Variants in WDPCP observed in about 807,000 individuals in gnomAD.
The protein encoded by WDPCP is WD repeat-containing and planar cell polarity effector protein fritz homolog.
In WDPCP, 71 loss-of-function variants were observed where a neutral mutation model predicts 93.1. The observed-to-expected ratio is 0.76, with a 90% confidence interval of 0.63 to 0.93. WDPCP has a LOEUF of 0.93. WDPCP is among the 40% of genes least tolerant of loss of function. The pLI, the probability that WDPCP is intolerant of heterozygous loss-of-function variation, is 0.00. For synonymous variants in WDPCP, 315 were observed against 315.0 expected (o/e 1.00, Z 0.00); for missense variants, 844 against 887.4 (o/e 0.95, Z 0.62).
At chr2:63,646,451 T>C (rs149156933) in intron 3 of WDPCP, among the ~76,000 whole-genome samples, 15 of 152,278 alleles carry the variant, frequency 9.9e-5, no homozygotes, top group Admixed American at 2.6e-4. Flanking sequence ...AGTTACATTA[T>C]TATAATATTC....
chr2:63,826,968 T>C (rs1472107811), intron 1 of WDPCP, among the ~76,000 whole-genome samples: 4 of 152,178 alleles, frequency 2.6e-5, no homozygotes, highest in Non-Finnish European at 5.9e-5. Flanking sequence ...ATTTGACTTT[T>C]AGGTCTCCCA....
intron 2 of WDPCP, among the ~76,000 whole-genome samples, chr2:63,747,684 T>C (rs1669819409): frequency 6.6e-6 from 1 of 152,076 alleles, no homozygotes; most frequent in Non-Finnish European, 1.5e-5. Flanking sequence ...AACCACAGCT[T>C]TATTAGTGTC....
chr2:63,137,266 C>G (rs891782625), intron 17 of WDPCP, among the ~76,000 whole-genome samples: 1 of 152,084 alleles, frequency 6.6e-6, no homozygotes, highest in Non-Finnish European at 1.5e-5. Context: ...GTCACTCTGA[C>G]TAGTGTGAGG....
At chr2:63,487,062 A>T (rs904252341) in intron 3 of WDPCP, among the ~76,000 whole-genome samples, 8 of 152,048 alleles carry the variant, frequency 5.3e-5, no homozygotes, top group African/African-American at 1.9e-4. Flanking sequence ...TTAATCAGAT[A>T]AAGAAAATTG....
chr2:63,391,255 G>A (rs891546323), intron 10 of WDPCP, among the ~76,000 whole-genome samples: 2 of 152,066 alleles, frequency 1.3e-5, no homozygotes, highest in East Asian at 1.9e-4. Flanking sequence ...ATCAATAAAC[G>A]TAATCCATCA....
In WDPCP at chr2:63,122,031, T is replaced by C. The variant is rs374727283; in HGVS notation, c.2216A>G (p.Lys739Arg). 2.5e-6 allele frequency: 4 copies of C among 1,613,392 alleles called. No individual in the cohort carries two copies. The highest frequency in any genetic ancestry group is 1.3e-5 in the African/African-American group (1 of 75,040). The change falls in exon 18 of 18, where the codon AAA (lysine) becomes AGA (arginine). Residue 739 changes from lysine (K) to arginine (R), a missense_variant. Transcript: ENST00000272321. ...EQEIRDGGSL[K>R]MIHFGLV ...TTACACCAGACCAAAGTGAATCATT[T>C]TGAGAGAACCACCATCTCTGATTTC...
chr2:63,409,276 T>A (rs1467622165), intron 9 of WDPCP, among the ~76,000 whole-genome samples: 1 of 152,128 alleles, frequency 6.6e-6, no homozygotes, highest in African/African-American at 2.4e-5. Context: ...ACTTCCTGGG[T>A]GGCTAGACCC....
At chr2:63,284,440 T>A (rs1042892046) in intron 13 of WDPCP, among the ~76,000 whole-genome samples, 4 of 152,244 alleles carry the variant, frequency 2.6e-5, no homozygotes, top group Admixed American at 6.5e-5. Context: ...TATGATTTTT[T>A]AATCTTTCCT....
At chr2:63,683,493 C>T (rs980497981) in intron 2 of WDPCP, among the ~76,000 whole-genome samples, 4 of 151,830 alleles carry the variant, frequency 2.6e-5, no homozygotes, top group Non-Finnish European at 4.4e-5. Context: ...TGATATTTAT[C>T]ACATTATATT....
chr2:63,585,642 T>A (rs1009044423), intron 1 of WDPCP, among the ~76,000 whole-genome samples: 13 of 152,070 alleles, frequency 8.5e-5, no homozygotes, highest in African/African-American at 2.7e-4. Context: ...CATCTTTACA[T>A]TATAGTACTC....
intron 3 of WDPCP, among the ~76,000 whole-genome samples, chr2:63,648,781 A>G (rs1458961010): frequency 6.6e-6 from 1 of 152,176 alleles, no homozygotes; most frequent in Non-Finnish European, 1.5e-5. Flanking sequence ...GAAATGGTCC[A>G]CTCTGGTGAA....
intron 12 of WDPCP, among the ~76,000 whole-genome samples, chr2:63,338,588 A>C (rs1688621174): frequency 1.7e-5 from 1 of 59,668 alleles, no homozygotes; most frequent in Admixed American, 2.0e-4. Flanking sequence ...ATATATATAT[A>C]TATATATATA....
rs1464643665 is a variant in WDPCP at position 63,536,167 on chromosome 2, C to A, written c.76-43227G>T. Among the ~76,000 whole-genome samples the A allele has an allele frequency of 5.3e-5, 8 of 152,156 alleles. No individual in the cohort carries two copies. In the East Asian group the frequency reaches 1.5e-3, roughly 29 times the overall value. The stretch of plus-strand genomic sequence containing the variant: ...GCAAATCAAAACCACAATGAGATAC[C>A]ATCTCACACCAGTTAGAATGGCGAT... On this transcript the variant is annotated intron_variant, in intron 1 of 17. Coordinates refer to ENST00000272321, the MANE Select transcript of WDPCP (RefSeq NM_015910.7).
chr2:63,394,435 A>C (rs1693544221), intron 10 of WDPCP, among the ~76,000 whole-genome samples: 1 of 152,078 alleles, frequency 6.6e-6, no homozygotes, highest in African/African-American at 2.4e-5. Flanking sequence ...ATACACTGCT[A>C]GTGGGAACGT....
intron 17 of WDPCP, among the ~76,000 whole-genome samples, chr2:63,132,073 T>C (rs889242873): frequency 1.3e-5 from 2 of 152,082 alleles, no homozygotes; most frequent in Non-Finnish European, 1.5e-5. Context: ...TGATCTCAAG[T>C]GGTCTGCCTG....
At chr2:63,243,888 G>C (rs1164690354) in intron 14 of WDPCP, among the ~76,000 whole-genome samples, 1 of 151,994 alleles carries the variant, frequency 6.6e-6, no homozygotes, top group Non-Finnish European at 1.5e-5. Context: ...TCTACAGAAT[G>C]CTCCATGCAA....
intron 6 of WDPCP, among the ~76,000 whole-genome samples, chr2:63,472,992 C>G (rs2105833228): frequency 6.6e-6 from 1 of 152,308 alleles, no homozygotes. Flanking sequence ...ATTCTATTTT[C>G]TGAAGCCTTA....
rs532280027 is a variant in WDPCP at position 63,550,526 on chromosome 2, T to A, written c.75+37671A>T. On this transcript the variant is annotated intron_variant, in intron 1 of 17. Coordinates refer to ENST00000272321, the MANE Select transcript of WDPCP (RefSeq NM_015910.7). ...CCCAAACTAGTTTACTTCCTATCTT[T>A]CTGACCACTTTTCCTTAAGTACCAT... Among the ~76,000 whole-genome samples, 3 of 152,138 alleles carry A rather than the reference T, an allele frequency of 2.0e-5. No individual in the cohort carries two copies. The East Asian group carries it at 5.8e-4, about 29-fold the overall frequency.
At chr2:63,547,069 A>G (rs1480062948) in intron 1 of WDPCP, among the ~76,000 whole-genome samples, 1 of 152,186 alleles carries the variant, frequency 6.6e-6, no homozygotes, top group African/African-American at 2.4e-5. Context: ...AGTTTAACAA[A>G]TAATTCTATT....
Sources: allele counts gnomAD v4.1 joint callset (sites outside exome capture counted in the v4.1 genomes callset), GRCh38; gene constraint gnomAD v4.1.1; transcripts MANE v1.5; gene names NCBI Gene and HGNC (gene_info 2026-07-23, HGNC 2026-07-21).